The following SCAI variants were observed in gnomAD, a reference collection of about 807,000 sequenced individuals.
SCAI encodes protein SCAI.
In SCAI, 24 loss-of-function variants were observed where a neutral mutation model predicts 92.2. The ratio of observed to expected loss-of-function variants is 0.26; its 90% CI spans 0.19 to 0.37. The LOEUF is 0.37. SCAI is among the 10% of genes least tolerant of loss of function. The pLI is 1.00. For synonymous variants in SCAI, 261 were observed against 258.6 expected (o/e 1.01, Z -0.09); for missense variants, 450 against 736.2 (o/e 0.61, Z 4.50).
At chr9:125,120,626 G>A (rs1409328327) in intron 2 of SCAI, among the ~76,000 whole-genome samples, 1 of 152,166 alleles carries the variant, frequency 6.6e-6, no homozygotes, top group Non-Finnish European at 1.5e-5. Context: ...CCAGGAGGCA[G>A]AGGTTGCAGT....
chr9:125,007,262 T>C (rs1314324873), intron 9 of SCAI, among the ~76,000 whole-genome samples: 1 of 152,238 alleles, frequency 6.6e-6, no homozygotes, highest in Non-Finnish European at 1.5e-5. Flanking sequence ...AACACACTTG[T>C]AGTTAGCATA....
intron 2 of SCAI, among the ~76,000 whole-genome samples, chr9:125,077,710 C>CATTT (rs112822474): frequency 0.23 from 34,126 of 151,278 alleles, 4,303 homozygotes; most frequent in Non-Finnish European, 0.3. Context: ...AGATACTTGA[C>CATTT]ATTTATTTAT....
chr9:125,080,658 A>T (rs1834193893), intron 2 of SCAI, among the ~76,000 whole-genome samples: 1 of 152,216 alleles, frequency 6.6e-6, no homozygotes, highest in Non-Finnish European at 1.5e-5. Flanking sequence ...TCCAAAACAG[A>T]GTTTATATTA....
At chr9:125,037,772 TG>T (rs1833230481) in intron 3 of SCAI, among the ~76,000 whole-genome samples, 1 of 151,484 alleles carries the variant, frequency 6.6e-6, no homozygotes, top group Non-Finnish European at 1.5e-5. Context: ...AAATATTAGC[TG>T]GGTCTGGTGG....
At chr9:125,064,730 C>G (rs922078849) in intron 2 of SCAI, among the ~76,000 whole-genome samples, 1 of 152,032 alleles carries the variant, frequency 6.6e-6, no homozygotes, top group Non-Finnish European at 1.5e-5. Context: ...CCTGTAACCC[C>G]AGCTACTTGG....
At chr9:124,999,232 CA>C (rs1487997444) in intron 13 of SCAI, among the ~76,000 whole-genome samples, 2 of 151,660 alleles carry the variant, frequency 1.3e-5, no homozygotes, top group Non-Finnish European at 2.9e-5. Flanking sequence ...ACTAAAAATA[CA>C]AAAATTAGCC....
chr9:125,068,515 C>A (rs10986536), intron 2 of SCAI, among the ~76,000 whole-genome samples: 4,089 of 151,382 alleles, frequency 0.027, 171 homozygotes, highest in East Asian at 0.13. Context: ...ACAACAACAA[C>A]AAAAAAATAC....
At chr9:125,134,967 C>T (rs886421081) in intron 2 of SCAI, among the ~76,000 whole-genome samples, 5 of 152,122 alleles carry the variant, frequency 3.3e-5, no homozygotes, top group South Asian at 4.1e-4. Flanking sequence ...TGAGCCACCA[C>T]GCCCGGCCAG....
chr9:124,988,832 A>T (rs923764633), intron 14 of SCAI, among the ~76,000 whole-genome samples: 1 of 152,188 alleles, frequency 6.6e-6, no homozygotes, highest in African/African-American at 2.4e-5. Flanking sequence ...CATGTTAAGC[A>T]CCATAGTTAA....
At chr9:125,023,175 T>TA in intron 6 of SCAI, among the ~76,000 whole-genome samples, 1 of 152,192 alleles carries the variant, frequency 6.6e-6, no homozygotes, top group East Asian at 1.9e-4. Context: ...AAGGGGATAA[T>TA]TTTTTCTTAC....
rs1299930738 is a variant in SCAI, at chr9:125,106,096, C to CACAAAAAA, written c.98+36536_98+36537insTTTTTTGT. ...TGCGTGACAGAGTGAGACTCCATCT[C>CACAAAAAA]AAAAAAAAAAAAAAAAAAAAAAAAA... On this transcript the variant is annotated intron_variant, in intron 2 of 17. Transcript: ENST00000336505. 9.1e-4 allele frequency among the ~76,000 whole-genome samples: 17 copies of CACAAAAAA among 18,774 alleles called. 2 individuals are homozygous for CACAAAAAA. Among genetic ancestry groups the CACAAAAAA allele is most frequent in the African/African-American group, 3.7e-3 (17 of 4,536 alleles). 12.3% of individuals were successfully genotyped at this position (18,774 alleles called of 152,430 possible).
chr9:124,991,667 T>C (rs959735166), intron 14 of SCAI, among the ~76,000 whole-genome samples: 1 of 151,794 alleles, frequency 6.6e-6, no homozygotes, highest in African/African-American at 2.4e-5. Flanking sequence ...TGAAACCCCA[T>C]CTCTACTAAA....
At chr9:125,126,422 T>TGAGA (rs1303281040) in intron 2 of SCAI, among the ~76,000 whole-genome samples, 2 of 142,892 alleles carry the variant, frequency 1.4e-5, no homozygotes, top group African/African-American at 5.2e-5. Flanking sequence ...TGTGTGTGTG[T>TGAGA]GAGAGAGAGA....
chr9:124,978,899 C>A (rs1472606892), intron 14 of SCAI, among the ~76,000 whole-genome samples: 1 of 151,764 alleles, frequency 6.6e-6, no homozygotes, highest in Non-Finnish European at 1.5e-5. Flanking sequence ...TTCGCTCTGT[C>A]GCCCAGGCTG....
At chr9:125,033,355 TAA>T (rs1273741728) in intron 3 of SCAI, among the ~76,000 whole-genome samples, 4 of 152,014 alleles carry the variant, frequency 2.6e-5, no homozygotes, top group Non-Finnish European at 5.9e-5. Context: ...ATAAAATATA[TAA>T]GAGAAGCAAC....
At chr9:124,973,075 C>G (rs1831690603) in intron 15 of SCAI, among the ~76,000 whole-genome samples, 1 of 152,186 alleles carries the variant, frequency 6.6e-6, no homozygotes, top group Non-Finnish European at 1.5e-5. Context: ...GTCCTGGGGA[C>G]AGGTCCCAAG....
chr9:125,042,606 C>T (rs1385000686), intron 3 of SCAI, among the ~76,000 whole-genome samples: 2 of 86,300 alleles, frequency 2.3e-5, no homozygotes, highest in African/African-American at 4.5e-5. Context: ...GCATGGCTTC[C>T]ACCAGAGTAT....
At position 124,949,847 on chromosome 9, in the gene SCAI, T is replaced by C. The variant is rs1170417167; in HGVS notation, c.*2960A>G. On this transcript the variant is annotated 3_prime_UTR_variant, in exon 18 of 18. Transcript: ENST00000336505. This position sits in a 1 kb window ranked among gnomAD's most constrained non-coding sequence, Gnocchi z 4.0. ...AATGCCCAGAAGAAAATCTGGAGTATAGTCTTTGTTTAATACGCATTTTTT... is the reference window on the plus strand; with the variant it reads ...AATGCCCAGAAGAAAATCTGGAGTACAGTCTTTGTTTAATACGCATTTTTT... 1 of 152,226 alleles carries C rather than the reference T, an allele frequency of 6.6e-6. No individual in the cohort carries two copies. The allele number at this position is 152,226 out of a possible 1,614,324, so 9.4% of individuals were successfully genotyped here. A position where few individuals can be genotyped will look rare whatever the true frequency, so the allele number is the denominator to read the frequency against.
intron 3 of SCAI, among the ~76,000 whole-genome samples, chr9:125,043,471 GT>G (rs1417003238): frequency 6.6e-6 from 1 of 151,566 alleles, no homozygotes; most frequent in Non-Finnish European, 1.5e-5. Flanking sequence ...GTTGTTCTTT[GT>G]TTTTAAAGAC....
Sources: gnomAD v4.1 joint callset for allele counts (sites outside exome capture counted in the v4.1 genomes callset) on GRCh38, gnomAD v4.1.1 for gene constraint, Gnocchi (gnomAD v3.1) non-coding constraint, MANE v1.5 for transcripts, NCBI Gene and HGNC (gene_info 2026-07-23, HGNC 2026-07-21) for gene names.